The following PHF3 variants were observed in gnomAD, a reference collection of about 807,000 sequenced individuals.
PHF3 encodes the protein PHD finger protein 3.
PHF3 carries 41 observed loss-of-function variants against 178.4 expected under a neutral mutation model. That is an observed-to-expected ratio of 0.23 (90% confidence interval 0.18 to 0.30). The LOEUF (loss-of-function observed/expected upper bound fraction) is 0.30, where lower values mean the gene tolerates loss of function less well. PHF3 is among the 10% of genes least tolerant of loss of function. The pLI is 1.00. For synonymous variants in PHF3, 842 were observed against 800.5 expected (o/e 1.05, Z -0.88); for missense variants, 2,346 against 2,398.1 (o/e 0.98, Z 0.45).
intron 14 of PHF3, among the ~76,000 whole-genome samples, chr6:63,710,773 T>G (rs67890600): frequency 0.093 from 14,210 of 152,124 alleles, 714 homozygotes; most frequent in East Asian, 0.16. Context: ...TTCCCAGTGG[T>G]TCAAGAACAT....
intron 2 of PHF3, among the ~76,000 whole-genome samples, chr6:63,665,540 G>A (rs1170957694): frequency 2.3e-5 from 3 of 129,370 alleles, no homozygotes; most frequent in Non-Finnish European, 4.6e-5. Context: ...AGGATGGACT[G>A]CAGTGGTGTG....
chr6:63,657,505 TAGAGA>T (rs1353914690), intron 2 of PHF3, among the ~76,000 whole-genome samples: 3 of 152,164 alleles, frequency 2.0e-5, no homozygotes, highest in African/African-American at 7.2e-5. Flanking sequence ...TAAAGTACAC[TAGAGA>T]AATGTCATGA....
At chr6:63,686,868 A>C (rs115879659) in intron 4 of PHF3, among the ~76,000 whole-genome samples, 1 of 152,322 alleles carries the variant, frequency 6.6e-6, no homozygotes, top group African/African-American at 2.4e-5. Context: ...ACAATTTAGT[A>C]AAGTGTGTTG....
chr6:63,648,020 T>TAG (rs1420335650), intron 2 of PHF3, among the ~76,000 whole-genome samples: 2 of 152,210 alleles, frequency 1.3e-5, no homozygotes, highest in African/African-American at 4.8e-5. Context: ...AAGTTGGGAA[T>TAG]AGGTGGTCTG....
intron 3 of PHF3, among the ~76,000 whole-genome samples, chr6:63,681,057 A>T (rs116524187): frequency 6.6e-6 from 1 of 152,088 alleles, no homozygotes; most frequent in Non-Finnish European, 1.5e-5. Context: ...TATTTAGTCT[A>T]TTCTCATACT....
chr6:63,709,938 A>G (rs2149610102), intron 14 of PHF3, among the ~76,000 whole-genome samples: 1 of 152,250 alleles, frequency 6.6e-6, no homozygotes, highest in Middle Eastern at 3.4e-3. Context: ...TTTAACTTAT[A>G]GAATATTACT....
At chr6:63,688,860 CTGTT>C (rs139395601) in intron 4 of PHF3, among the ~76,000 whole-genome samples, 64 of 152,282 alleles carry the variant, frequency 4.2e-4, no homozygotes, top group Non-Finnish European at 8.1e-4. Context: ...ACATTGAAAG[CTGTT>C]TGTTAATATG....
At position 63,685,407 on chromosome 6, in the gene PHF3, A is replaced by G. The variant is rs780949280; in HGVS notation, c.1685A>G (p.Asn562Ser). ...AAGGAGCCAAAGATTCAGAGTTGCA[A>G]TTCTGGGGTTAAATCTGTGAAAAAC... is the stretch of plus-strand genomic sequence containing the variant. Reference protein sequence around the residue: ...IDKEPKIQSCNSGVKSVKNQA... With the variant: ...IDKEPKIQSCSSGVKSVKNQA... The change falls in exon 4 of 16, where the codon AAT becomes AGT. Residue 562 changes from asparagine to serine, a missense_variant. Coordinates refer to ENST00000262043, the MANE Select transcript of PHF3 (RefSeq NM_001370348.2). 309 of 1,613,968 alleles carry G rather than the reference A, an allele frequency of 1.9e-4. No individual in the cohort carries two copies. The highest frequency in any genetic ancestry group is 2.3e-4 in the Non-Finnish European group (277 of 1,180,006).
chr6:63,721,242 T>A lies in PHF3; in HGVS notation c.*7534T>A. On this transcript the variant is annotated 3_prime_UTR_variant, in exon 16 of 16. Transcript: ENST00000262043. ...CAGGCAACTGTAAGAAAATGATTGG[T>A]CAGGTATACATAAAGATTGGTGGAG... The A allele has an allele frequency of 6.4e-7, 1 of 1,551,816 alleles. No homozygotes were observed. The highest frequency in any genetic ancestry group is 1.2e-5 in the South Asian group (1 of 84,060).
intron 13 of PHF3, 23 bp from the exon 14 acceptor site, chr6:63,709,128 C>G: frequency 1.8e-6 from 2 of 1,102,342 alleles, no homozygotes; most frequent in Non-Finnish European, 2.6e-6. Flanking sequence ...ATATTGATCT[C>G]TTTTTTTTTT....
chr6:63,674,334 T>TAC (rs1334084758), intron 2 of PHF3, among the ~76,000 whole-genome samples: 3 of 27,638 alleles, frequency 1.1e-4, no homozygotes, highest in African/African-American at 2.6e-4. Flanking sequence ...TGTATATATA[T>TAC]ACCATCTTCA....
In PHF3 at chr6:63,712,348, A is replaced by G; in HGVS notation, c.4760A>G (p.Glu1587Gly). ...CAGTCAAAACAAGAGGAAACTGTGG[A>G]GAGTAAAGAGAAAACATTAAAAAGA... ...SIQSKQEETV[E>G]SKEKTLKRQL... The change falls in exon 16 of 16, where the codon GAG becomes GGG. Residue 1587 changes from glutamate (E) to glycine (G), a missense_variant. Around this residue, in one of 8 missense-constraint regions of PHF3, gnomAD observed 839 missense variants for 806.9 expected, o/e 1.04. Transcript: ENST00000262043. 1 of 1,613,476 alleles carries G rather than the reference A, an allele frequency of 6.2e-7. No individual in the cohort carries two copies. Among genetic ancestry groups the G allele is most frequent in the Non-Finnish European group, 8.5e-7 (1 of 1,179,866 alleles).
rs1268691644 is a variant in PHF3, at chr6:63,719,170, T to TC, written c.*5463dup. Among the ~76,000 whole-genome samples the TC allele has an allele frequency of 6.6e-6, 1 of 152,048 alleles. No individual in the cohort carries two copies. Among genetic ancestry groups the TC allele is most frequent in the Non-Finnish European group, 1.5e-5 (1 of 67,948 alleles). ...ATGGTGTTGACATTCTTAACTCTGG[T>TC]CGTAGGTCCTTTTAGGAATGTCTGT... On this transcript the variant is annotated 3_prime_UTR_variant, in exon 16 of 16. Transcript: ENST00000262043.
chr6:63,636,271 T>G, intron 1 of PHF3, 121 bp downstream of exon 1: 1 of 246,804 alleles, frequency 4.1e-6, no homozygotes. Flanking sequence ...TCTCCGCGCT[T>G]TTCTCCCGCG....
intron 2 of PHF3, among the ~76,000 whole-genome samples, chr6:63,649,919 T>A (rs1764951558): frequency 6.6e-6 from 1 of 152,228 alleles, no homozygotes; most frequent in Non-Finnish European, 1.5e-5. Flanking sequence ...TCAAAATCAC[T>A]GAAATGGTGT....
chr6:63,663,892 G>A (rs1765571967), intron 2 of PHF3, among the ~76,000 whole-genome samples: 1 of 152,084 alleles, frequency 6.6e-6, no homozygotes, highest in Admixed American at 6.5e-5. Flanking sequence ...CAATAAAAAA[G>A]GGGAGGGAAA....
At chr6:63,703,032 T>C (rs1461433571) in intron 10 of PHF3, among the ~76,000 whole-genome samples, 1 of 152,084 alleles carries the variant, frequency 6.6e-6, no homozygotes, top group Non-Finnish European at 1.5e-5. Context: ...CATGCGCCAA[T>C]ACACCCAGCT....
In PHF3 at chr6:63,715,271, G is replaced by GAGA. The variant is rs1768151609; in HGVS notation, c.*1565_*1567dup. On this transcript the variant is annotated 3_prime_UTR_variant, in exon 16 of 16. Transcript: ENST00000262043. Reference sequence around the variant, plus strand: ...CTTACTATCATAAGGTTCTAAAACAGAGAACTTGTGTTTAAATAAAGCCCG... The same window carrying GAGA: ...CTTACTATCATAAGGTTCTAAAACAGAGAAGAACTTGTGTTTAAATAAAGCCCG... 6.6e-6 allele frequency: 1 copy of GAGA among 152,094 alleles called. No homozygotes were observed. 9.4% of individuals were successfully genotyped at this position (152,094 alleles called of 1,614,324 possible).
At chr6:63,639,371 A>G (rs1581983259) in intron 1 of PHF3, among the ~76,000 whole-genome samples, 1 of 152,170 alleles carries the variant, frequency 6.6e-6, no homozygotes, top group Non-Finnish European at 1.5e-5. Context: ...AATAAATGGA[A>G]AAGTTTGTAG....
Sources: allele counts gnomAD v4.1 joint callset (sites outside exome capture counted in the v4.1 genomes callset), GRCh38; gene constraint gnomAD v4.1.1; regional missense constraint gnomAD v4.1.1; transcripts MANE v1.5; gene names NCBI Gene and HGNC (gene_info 2026-07-23, HGNC 2026-07-21).